GPATCH2: variants seen among roughly 807,000 people sequenced by gnomAD.
The protein encoded by GPATCH2 is G patch domain-containing protein 2.
Under a neutral mutation model 58.0 loss-of-function variants are expected in GPATCH2, and 51 were observed. The observed-to-expected ratio is 0.88, with a 90% CI of 0.70 to 1.11. GPATCH2 has a LOEUF of 1.11. Among genes scored for constraint, GPATCH2 ranks in the 50% most tolerant of loss-of-function variants. GPATCH2 has a pLI of 0.00. For missense variants in GPATCH2, 625 were observed against 652.2 expected, an observed-to-expected ratio of 0.96 and a Z score of 0.45; for synonymous variants, 222 against 218.5, an observed-to-expected ratio of 1.02 and a Z score of -0.14.
At chr1:217,457,842 A>G (rs1169045801) in intron 8 of GPATCH2, among the ~76,000 whole-genome samples, 3 of 152,214 alleles carry the variant, frequency 2.0e-5, no homozygotes, top group South Asian at 4.1e-4. Context: ...AAAACTCACA[A>G]GAGTCCTTGA....
intron 8 of GPATCH2, among the ~76,000 whole-genome samples, chr1:217,470,081 T>C (rs887673722): frequency 6.6e-6 from 1 of 152,160 alleles, no homozygotes; most frequent in Admixed American, 6.5e-5. Context: ...TGTATCCTAA[T>C]CATTTCCTAG....
intron 8 of GPATCH2, among the ~76,000 whole-genome samples, chr1:217,457,071 A>G (rs17721254): frequency 0.012 from 1,772 of 152,348 alleles, 12 homozygotes; most frequent in Middle Eastern, 0.048. Context: ...AATTAGAAAA[A>G]AGAAAAACAA....
At chr1:217,585,776 G>A (rs1446775901) in intron 5 of GPATCH2, among the ~76,000 whole-genome samples, 1 of 152,094 alleles carries the variant, frequency 6.6e-6, no homozygotes, top group Non-Finnish European at 1.5e-5. Context: ...TCTGAGAAAG[G>A]CATCGTTAGG....
At chr1:217,517,617 T>C (rs1663231309) in intron 5 of GPATCH2, among the ~76,000 whole-genome samples, 1 of 152,142 alleles carries the variant, frequency 6.6e-6, no homozygotes, top group Admixed American at 6.5e-5. Context: ...GTTTCTGTCT[T>C]ATCATTAATT....
At chr1:217,564,200 T>A (rs12038581) in intron 5 of GPATCH2, among the ~76,000 whole-genome samples, 70,150 of 151,848 alleles carry the variant, frequency 0.46, 17,540 homozygotes, top group East Asian at 0.92. Flanking sequence ...ATCATCACTG[T>A]AAAAAAGGGT....
chr1:217,446,818 T>A (rs1659409968), intron 9 of GPATCH2, among the ~76,000 whole-genome samples: 1 of 152,318 alleles, frequency 6.6e-6, no homozygotes, highest in African/African-American at 2.4e-5. Context: ...ATATGCCATA[T>A]AAATGATTTC....
At chr1:217,582,856 C>A (rs1667138446) in intron 5 of GPATCH2, among the ~76,000 whole-genome samples, 1 of 152,168 alleles carries the variant, frequency 6.6e-6, no homozygotes, top group Non-Finnish European at 1.5e-5. Flanking sequence ...ATATACTTAA[C>A]TATGATTAAC....
At chr1:217,485,770 A>C (rs1241243115) in intron 8 of GPATCH2, among the ~76,000 whole-genome samples, 1 of 152,162 alleles carries the variant, frequency 6.6e-6, no homozygotes, top group Non-Finnish European at 1.5e-5. Context: ...GGCAACTGTA[A>C]TATGGTGGTA....
Position 217,619,302 on chromosome 1 carries a change from T to A in GPATCH2, c.773+481A>T, listed in dbSNP as rs17046660. On this transcript the variant is annotated intron_variant, in intron 2 of 9. Transcript: ENST00000366935. ...ACTATAAATTGGGTTTTAAAATTCA[T>A]AAGTGATCAGAATTCCTAGAAAGCT... is the stretch of plus-strand genomic sequence containing the variant. Among the ~76,000 whole-genome samples the A allele has an allele frequency of 6.2e-4, 95 of 152,326 alleles. 2 individuals carry two copies. In the East Asian group the frequency reaches 0.016, roughly 25 times the overall value.
At chr1:217,616,808 T>C (rs1668908509) in intron 2 of GPATCH2, among the ~76,000 whole-genome samples, 1 of 152,138 alleles carries the variant, frequency 6.6e-6, no homozygotes, top group Non-Finnish European at 1.5e-5. Flanking sequence ...TGAACAAATA[T>C]ATGTACACTA....
At chr1:217,602,628 GAGCA>G (rs1476495987) in intron 5 of GPATCH2, among the ~76,000 whole-genome samples, 1 of 152,136 alleles carries the variant, frequency 6.6e-6, no homozygotes, top group Non-Finnish European at 1.5e-5. Flanking sequence ...AGCTGAAACA[GAGCA>G]AGCAAGCAGA....
At chr1:217,445,033 G>A (rs572540490) in intron 9 of GPATCH2, among the ~76,000 whole-genome samples, 14 of 152,104 alleles carry the variant, frequency 9.2e-5, no homozygotes, top group African/African-American at 1.7e-4. Flanking sequence ...TCAGTAGGAC[G>A]TGGAGAAAAA....
chr1:217,453,451 G>T (rs532782270), intron 8 of GPATCH2, among the ~76,000 whole-genome samples: 1 of 152,276 alleles, frequency 6.6e-6, no homozygotes, highest in African/African-American at 2.4e-5. Context: ...CTTACGATTT[G>T]AAACATGGTT....
intron 1 of GPATCH2, among the ~76,000 whole-genome samples, chr1:217,630,147 A>G (rs1669674376): frequency 6.6e-6 from 1 of 152,174 alleles, no homozygotes; most frequent in Non-Finnish European, 1.5e-5. Context: ...AGAGTGTTCA[A>G]CTAGAAATCC....
intron 8 of GPATCH2, among the ~76,000 whole-genome samples, chr1:217,479,876 A>G (rs1400746014): frequency 1.3e-5 from 2 of 152,170 alleles, no homozygotes; most frequent in East Asian, 3.8e-4. Context: ...TTTATGTGAG[A>G]CAAAATAGAT....
intron 5 of GPATCH2, among the ~76,000 whole-genome samples, chr1:217,572,133 C>T (rs538821211): frequency 5.3e-5 from 8 of 152,088 alleles, no homozygotes; most frequent in African/African-American, 1.9e-4. Context: ...CAACTCTATT[C>T]CTTTCATTTG....
chr1:217,463,141 C>T (rs530810281), intron 8 of GPATCH2, among the ~76,000 whole-genome samples: 2 of 152,206 alleles, frequency 1.3e-5, no homozygotes, highest in African/African-American at 4.8e-5. Flanking sequence ...CGGTTGAGAT[C>T]ATATTTTATT....
At chr1:217,630,809 G>C in intron 1 of GPATCH2, 107 bp downstream of exon 1, 2 of 782,574 alleles carry the variant, frequency 2.6e-6, no homozygotes, top group Non-Finnish European at 4.2e-6. Flanking sequence ...GATGTCTTCA[G>C]ATCATCCATC....
At chr1:217,507,756 A>G (rs1371531641) in intron 6 of GPATCH2, among the ~76,000 whole-genome samples, 1 of 152,190 alleles carries the variant, frequency 6.6e-6, no homozygotes, top group Non-Finnish European at 1.5e-5. Flanking sequence ...GGCATTACTT[A>G]TACCCTAACA....
Sources: allele counts gnomAD v4.1 joint callset (sites outside exome capture counted in the v4.1 genomes callset), GRCh38; gene constraint gnomAD v4.1.1; transcripts MANE v1.5; gene names NCBI Gene and HGNC (gene_info 2026-07-23, HGNC 2026-07-21).